HELLS: variants seen among roughly 807,000 people sequenced by gnomAD.
HELLS encodes the protein lymphoid-specific helicase.
In HELLS, 32 loss-of-function variants were observed where a neutral mutation model predicts 120.0. The ratio of observed to expected loss-of-function variants is 0.27; its 90% CI spans 0.20 to 0.36. The LOEUF (loss-of-function observed/expected upper bound fraction) is 0.36. HELLS is among the 10% of genes least tolerant of loss of function. The pLI is 1.00. For missense variants in HELLS, 650 were observed against 993.4 expected, an observed-to-expected ratio of 0.65 and a Z score of 4.65; for synonymous variants, 341 against 323.4, an observed-to-expected ratio of 1.05 and a Z score of -0.58.
At position 94,562,794 on chromosome 10, in the gene HELLS, T is replaced by TA; in HGVS notation, c.371-14dup. 1 of 1,544,144 alleles carries TA rather than the reference T, an allele frequency of 6.5e-7. No homozygotes were observed. Among genetic ancestry groups the TA allele is most frequent in the African/African-American group, 1.4e-5 (1 of 72,406 alleles). On this transcript the variant is annotated splice_polypyrimidine_tract_variant and intron_variant, in intron 5 of 21. Coordinates refer to ENST00000348459, the MANE Select transcript of HELLS (RefSeq NM_018063.5). ...TTTCTATTTTAATTGCTATCAAAAA[T>TA]AAAATTTTTTTTTATAGTTATGAGG...
intron 12 of HELLS, among the ~76,000 whole-genome samples, chr10:94,584,445 G>C (rs1183342758): frequency 6.6e-6 from 1 of 151,952 alleles, no homozygotes; most frequent in Non-Finnish European, 1.5e-5. Context: ...TGCACCAATA[G>C]TTATAGAAGC....
chr10:94,583,102 G>T (rs1172618593), intron 12 of HELLS, 43 bp downstream of exon 12: 4 of 1,116,972 alleles, frequency 3.6e-6, no homozygotes, highest in Non-Finnish European at 5.2e-6. Flanking sequence ...AGGCTCGATA[G>T]AGTATAAAAG....
chr10:94,575,989 G>C (rs892017211), intron 9 of HELLS, among the ~76,000 whole-genome samples: 3 of 152,066 alleles, frequency 2.0e-5, no homozygotes, highest in African/African-American at 7.2e-5. Flanking sequence ...TAGTGACGGG[G>C]TTTCTCCATG....
chr10:94,555,471 A>G (rs1321934494), intron 3 of HELLS, among the ~76,000 whole-genome samples: 1 of 152,164 alleles, frequency 6.6e-6, no homozygotes, highest in East Asian at 1.9e-4. Context: ...CCAAAAGGGG[A>G]CAGGGTTTGG....
chr10:94,549,292 A>G (rs1432943879), intron 2 of HELLS, among the ~76,000 whole-genome samples: 3 of 152,194 alleles, frequency 2.0e-5, no homozygotes. Context: ...CTGTATGGGC[A>G]TGTATTTAGA....
chr10:94,546,327 A>G, intron 1 of HELLS, 50 bp from the exon 2 acceptor site: 2 of 1,611,034 alleles, frequency 1.2e-6, no homozygotes. Context: ...GGAGTTGAGT[A>G]GTTGGTAATT....
chr10:94,557,498 T>G (rs1564579691), intron 3 of HELLS, among the ~76,000 whole-genome samples: 2 of 152,342 alleles, frequency 1.3e-5, no homozygotes. Flanking sequence ...TGATCCCTTT[T>G]CTGAGCACTC....
chr10:94,596,007 G>C (rs1845721624), intron 19 of HELLS, among the ~76,000 whole-genome samples: 1 of 151,996 alleles, frequency 6.6e-6, no homozygotes. Flanking sequence ...TTTTTTTTAA[G>C]AGACCATTTA....
chr10:94,607,719 GT>G (rs887160690), intron 8 of HELLS, among the ~76,000 whole-genome samples: 37 of 148,712 alleles, frequency 2.5e-4, no homozygotes, highest in African/African-American at 7.4e-4. Flanking sequence ...TTTTAGATAA[GT>G]TTTTTTTTTG....
chr10:94,612,877 T>A (rs1252189635), exon 10 of HELLS: 1 of 152,226 alleles, frequency 6.6e-6, no homozygotes, highest in African/African-American at 2.4e-5. Context: ...TGAGCCAAGA[T>A]TGTGCCCCTG....
intron 4 of HELLS, among the ~76,000 whole-genome samples, chr10:94,559,148 C>T (rs1323281046): frequency 6.6e-6 from 1 of 152,138 alleles, no homozygotes; most frequent in African/African-American, 2.4e-5. Flanking sequence ...ACATATGTTC[C>T]AAGCTCAGCT....
intron 12 of HELLS, among the ~76,000 whole-genome samples, chr10:94,587,594 A>G (rs1037687451): frequency 6.6e-6 from 1 of 152,030 alleles, no homozygotes; most frequent in African/African-American, 2.4e-5. Flanking sequence ...CACCCAGCTA[A>G]TTTTTGTATT....
exon 10 of HELLS, chr10:94,610,590 A>AT (rs3054952): frequency 6.5e-4 from 97 of 149,210 alleles, no homozygotes; most frequent in African/African-American, 1.7e-3. Flanking sequence ...CAGATAATAG[A>AT]TTTTTTTTTT....
intron 18 of HELLS, among the ~76,000 whole-genome samples, chr10:94,593,935 A>G (rs1454264496): frequency 6.7e-6 from 1 of 149,906 alleles, no homozygotes; most frequent in Non-Finnish European, 1.5e-5. Context: ...TGCTGGCATT[A>G]CAGGCTTGAG....
intron 6 of HELLS, among the ~76,000 whole-genome samples, chr10:94,568,127 C>T (rs984916231): frequency 6.6e-6 from 1 of 151,382 alleles, no homozygotes; most frequent in Admixed American, 6.6e-5. Context: ...CCTGGATGGT[C>T]TAGATCTCTT....
At chr10:94,594,065 G>A (rs558813389) in intron 18 of HELLS, among the ~76,000 whole-genome samples, 8 of 150,858 alleles carry the variant, frequency 5.3e-5, no homozygotes, top group Non-Finnish European at 1.2e-4. Context: ...CACCGCGCCC[G>A]GCCATTCTGA....
chr10:94,576,523 G>T, intron 9 of HELLS, 139 bp from the exon 10 acceptor site: 1 of 462,432 alleles, frequency 2.2e-6, no homozygotes, highest in Non-Finnish European at 3.8e-6. Context: ...AGAATTGCTT[G>T]GCTTATTTTG....
chr10:94,571,272 T>C, intron 6 of HELLS, 116 bp from the exon 7 acceptor site: 1 of 815,144 alleles, frequency 1.2e-6, no homozygotes, highest in Non-Finnish European at 1.9e-6. Flanking sequence ...TAGTTTTATC[T>C]TGAGAATCTC....
At chr10:94,579,540 A>AG (rs1844711473) in intron 10 of HELLS, among the ~76,000 whole-genome samples, 1 of 148,380 alleles carries the variant, frequency 6.7e-6, no homozygotes, top group African/African-American at 2.5e-5. Context: ...CTATACATTC[A>AG]ATTTTTTTTT....
Sources: gnomAD v4.1 joint callset for allele counts (sites outside exome capture counted in the v4.1 genomes callset) on GRCh38, gnomAD v4.1.1 for gene constraint, MANE v1.5 for transcripts, NCBI Gene and HGNC (gene_info 2026-07-23, HGNC 2026-07-21) for gene names.